Variants in BLTP1 observed in about 807,000 individuals in gnomAD.
BLTP1 encodes bridge-like lipid transfer protein family member 1.
the BLTP1 span, chr4:122,237,209 G>C: frequency 1.0e-6 from 1 of 985,440 alleles, no homozygotes; most frequent in African/African-American, 1.7e-5. Flanking sequence ...GGCTAAAACA[G>C]GGATGGTAGG....
the BLTP1 span, chr4:122,362,428 GATA>G: frequency 2.2e-6 from 1 of 464,716 alleles, no homozygotes; most frequent in Non-Finnish European, 3.8e-6. Context: ...AGTATTGCAT[GATA>G]ATGTAAATTT....
the BLTP1 span, chr4:122,209,952 T>A: frequency 6.2e-7 from 1 of 1,606,588 alleles, no homozygotes; most frequent in Admixed American, 1.7e-5. Context: ...ATTTGTGCTT[T>A]TATACAGCTG....
chr4:122,225,039 A>G, the BLTP1 span: 1 of 970,750 alleles, frequency 1.0e-6, no homozygotes, highest in Non-Finnish European at 1.3e-6. Context: ...TTTCTACTAT[A>G]TGGAGTAATT....
chr4:122,183,607 C>T, the BLTP1 span: 34 of 748,528 alleles, frequency 4.5e-5, no homozygotes, highest in African/African-American at 6.5e-4. Flanking sequence ...TAGAATTTAG[C>T]AGACCTAGGT....
the BLTP1 span, chr4:122,340,902 G>A: frequency 4.7e-5 from 40 of 859,436 alleles, no homozygotes; most frequent in Middle Eastern, 3.6e-3. Context: ...TGTTGTCAGC[G>A]ATAACACTAC....
At chr4:122,237,276 C>T in the BLTP1 span, 1 of 985,252 alleles carries the variant, frequency 1.0e-6, no homozygotes, top group Non-Finnish European at 1.2e-6. Flanking sequence ...CTATAGAATT[C>T]TCTTTTTATT....
At chr4:122,154,170 T>C in the BLTP1 span, 1 of 903,048 alleles carries the variant, frequency 1.1e-6, no homozygotes, top group Non-Finnish European at 1.3e-6. Context: ...GACTTTTTTT[T>C]TTTTTTTTTT....
chr4:122,340,096 G>A, the BLTP1 span, among the ~76,000 whole-genome samples: 8 of 152,090 alleles, frequency 5.3e-5, no homozygotes, highest in Admixed American at 5.2e-4. Context: ...AGACTGGAAT[G>A]TCATTAAAAT....
At chr4:122,163,655 T>C in the BLTP1 span, among the ~76,000 whole-genome samples, 4 of 152,312 alleles carry the variant, frequency 2.6e-5, no homozygotes, top group African/African-American at 9.6e-5. Context: ...ATTTACACAC[T>C]ATAACTCTAT....
chr4:122,182,519 C>T, the BLTP1 span: 2 of 339,472 alleles, frequency 5.9e-6, no homozygotes, highest in Admixed American at 6.5e-5. Context: ...TCAGTTATTC[C>T]ATCTGAGCTC....
chr4:122,335,849 G>A, the BLTP1 span, among the ~76,000 whole-genome samples: 1 of 152,024 alleles, frequency 6.6e-6, no homozygotes, highest in African/African-American at 2.4e-5. Flanking sequence ...AAACAGTGAC[G>A]TTTTTCTTCA....
At chr4:122,166,314 C>A in the BLTP1 span, among the ~76,000 whole-genome samples, 1 of 152,134 alleles carries the variant, frequency 6.6e-6, no homozygotes, top group African/African-American at 2.4e-5. Flanking sequence ...TTCCCAGCAC[C>A]ATTTATTAAA....
chr4:122,258,827 C>T, the BLTP1 span: 1 of 1,609,536 alleles, frequency 6.2e-7, no homozygotes, highest in Non-Finnish European at 8.5e-7. Context: ...CATAGTGACT[C>T]TGCATTAAAA....
chr4:122,166,769 C>G, the BLTP1 span, among the ~76,000 whole-genome samples: 2 of 152,118 alleles, frequency 1.3e-5, no homozygotes, highest in Non-Finnish European at 2.9e-5. Context: ...GTTTGTAGTT[C>G]TCCTTGAAGA....
the BLTP1 span, chr4:122,174,953 G>T: frequency 2.7e-6 from 2 of 731,028 alleles, no homozygotes; most frequent in Non-Finnish European, 3.3e-6. Flanking sequence ...GTAGTCATTC[G>T]TTATATACAG....
chr4:122,340,772 G>A, the BLTP1 span: 2 of 983,282 alleles, frequency 2.0e-6, no homozygotes. Context: ...TGTAGTGGTA[G>A]TGTTGGTTTT....
chr4:122,167,604 G>T, the BLTP1 span: 2 of 949,510 alleles, frequency 2.1e-6, no homozygotes, highest in Non-Finnish European at 2.5e-6. Context: ...TTCCACTCAG[G>T]CTCCAGCATC....
At chr4:122,336,723 G>A in the BLTP1 span, 2 of 871,116 alleles carry the variant, frequency 2.3e-6, no homozygotes, top group Non-Finnish European at 2.8e-6. Context: ...TGAGCAAGAG[G>A]TGCGAACAGG....
At chr4:122,243,097 G>T in the BLTP1 span, 1 of 1,603,440 alleles carries the variant, frequency 6.2e-7, no homozygotes, top group Middle Eastern at 1.7e-4. Context: ...CTTTTAAAGT[G>T]TCTTCCTTGA....
Sources: allele counts gnomAD v4.1 joint callset (sites outside exome capture counted in the v4.1 genomes callset), GRCh38; gene constraint gnomAD v4.1.1; transcripts MANE v1.5; gene names NCBI Gene and HGNC (gene_info 2026-07-23, HGNC 2026-07-21).